ANP32E: variants seen among roughly 807,000 people sequenced by gnomAD.
ANP32E encodes the protein acidic leucine-rich nuclear phosphoprotein 32 family member E.
In ANP32E, 14 loss-of-function variants were observed where a neutral mutation model predicts 35.3. The ratio of observed to expected loss-of-function variants is 0.40; its 90% confidence interval spans 0.26 to 0.62. The LOEUF (loss-of-function observed/expected upper bound fraction) is 0.62, where lower values mean the gene tolerates loss of function less well. Among genes scored for constraint, ANP32E ranks in the 20% least tolerant of loss-of-function variants. ANP32E has a pLI of 0.45. For missense variants in ANP32E, 198 were observed against 304.4 expected (o/e 0.65, Z 2.60); for synonymous variants, 89 against 110.4 (o/e 0.81, Z 1.22).
rs1553836471 is a variant in ANP32E at position 150,218,468 on chromosome 1, C to CTT, written c.*2221_*2222dup. The CTT allele has an allele frequency of 6.6e-6, 1 of 152,456 alleles. No homozygotes were observed. The highest frequency in any genetic ancestry group is 1.9e-4 in the East Asian group (1 of 5,202). The allele number at this position is 152,456 out of a possible 1,614,324, so 9.4% of individuals were successfully genotyped here. On this transcript the variant is annotated 3_prime_UTR_variant, in exon 7 of 7. Coordinates refer to ENST00000583931, the MANE Select transcript of ANP32E (RefSeq NM_030920.5). Reference sequence around the variant, plus strand: ...ATTTGAAGCAATTCAGTTTCAAAAACTTTAAGTTACAGCAGTCACAGAAAA... The same window carrying CTT: ...ATTTGAAGCAATTCAGTTTCAAAAACTTTTTAAGTTACAGCAGTCACAGAAAA...
At position 150,231,905 on chromosome 1, in the gene ANP32E, T is replaced by C. The variant is rs1553841835; in HGVS notation, c.76A>G (p.Asn26Asp). The change falls in exon 2 of 7, where the codon AAT (asparagine) becomes GAT (aspartate). Residue 26 changes from asparagine (N) to aspartate (D), a missense_variant. Coordinates refer to ENST00000583931, the MANE Select transcript of ANP32E (RefSeq NM_030920.5). ...PEEVTELVLD[N>D]CLCVNGEIEG... ...ATTTCCCCATTGACACACAGGCAAT[T>C]ATCAAGGACTAACTCTGTCACCTGT... is the stretch of plus-strand genomic sequence containing the variant. 4 of 1,611,292 alleles carry C rather than the reference T, an allele frequency of 2.5e-6. No individual in the cohort carries two copies.
At chr1:150,220,869 TCA>T in intron 6 of ANP32E, 108 bp from the exon 7 acceptor site, 1 of 881,940 alleles carries the variant, frequency 1.1e-6, no homozygotes, top group Non-Finnish European at 1.8e-6. Context: ...GCACGGTGGC[TCA>T]CACCTGTAAT....
At chr1:150,224,141 G>A (rs1648681495) in intron 5 of ANP32E, among the ~76,000 whole-genome samples, 1 of 152,050 alleles carries the variant, frequency 6.6e-6, no homozygotes, top group African/African-American at 2.4e-5. Context: ...GGAGCGAAAG[G>A]AATAGATGAG....
At chr1:150,234,398 C>A (rs1649605529) in intron 1 of ANP32E, among the ~76,000 whole-genome samples, 1 of 150,946 alleles carries the variant, frequency 6.6e-6, no homozygotes, top group South Asian at 2.1e-4. Flanking sequence ...CTCTCCCTGG[C>A]CCCTGCCAAT....
At chr1:150,226,547 A>G (rs2101773498) in intron 5 of ANP32E, 61 bp downstream of exon 5, 2 of 1,584,506 alleles carry the variant, frequency 1.3e-6, no homozygotes, top group African/African-American at 2.7e-5. Context: ...CACACTTTAT[A>G]TAGTACTTAC....
In ANP32E at chr1:150,229,073, C is replaced by T. The variant is rs151007873; in HGVS notation, c.492G>A (p.Glu164=). ...CTTATGAGTATTAAGAACGATTACC[C>T]TCATCATCCTCCTCTTCAGAGTCCG... ...EAPDSEEEDD[E]DGDEDDEEEE... The change falls in exon 4 of 7, where the codon GAG becomes GAA. Residue 164 remains glutamate (E), a splice_region_variant and synonymous_variant. Coordinates refer to ENST00000583931, the MANE Select transcript of ANP32E (RefSeq NM_030920.5). 264 of 1,612,484 alleles carry T rather than the reference C, an allele frequency of 1.6e-4. No homozygotes were observed. The highest frequency in any genetic ancestry group is 2.2e-4 in the Non-Finnish European group (254 of 1,179,590).
Position 150,223,209 on chromosome 1 carries a change from T to C in ANP32E, c.713A>G (p.Glu238Gly), listed in dbSNP as rs1553838649. The change falls in exon 6 of 7, where the codon GAA (glutamate) becomes GGA (glycine). Residue 238 changes from glutamate to glycine, a missense_variant. Glu to Gly is a moderately conservative substitution (Grantham distance 98, BLOSUM62 -2). Around this residue, in one of 4 missense-constraint regions of ANP32E, gnomAD observed 121 missense variants for 137.3 expected, o/e 0.88. Transcript: ENST00000583931. ...ACCCTCTTCTTCCTCTTCTTCCCCTTCTTCAACATAGTCATCATCATCTTC... is the reference window on the plus strand; with the variant it reads ...ACCCTCTTCTTCCTCTTCTTCCCCTCCTTCAACATAGTCATCATCATCTTC... ...DEEDDDDYVE[E>G]GEEEEEEEEG... The C allele has an allele frequency of 6.6e-7, 1 of 1,526,622 alleles. No homozygotes were observed. The highest frequency in any genetic ancestry group is 2.5e-5 in the East Asian group (1 of 40,748). The allele number at this position is 1,526,622 out of a possible 1,614,324, so 94.6% of individuals were successfully genotyped here.
intron 6 of ANP32E, among the ~76,000 whole-genome samples, chr1:150,222,128 A>AAAAT (rs1205401463): frequency 7.3e-5 from 11 of 150,154 alleles, no homozygotes; most frequent in Middle Eastern, 3.4e-3. Flanking sequence ...AAAATAAAAT[A>AAAAT]AAATAAAATA....
At chr1:150,231,988 T>C in intron 1 of ANP32E, 62 bp from the exon 2 acceptor site, 3 of 1,507,198 alleles carry the variant, frequency 2.0e-6, no homozygotes, top group Non-Finnish European at 2.7e-6. Context: ...GGTAGAGACC[T>C]GGGTCTTGAC....
intron 3 of ANP32E, 61 bp from the exon 4 acceptor site, chr1:150,229,298 CTTTTTTT>C (rs368884324): frequency 7.0e-6 from 3 of 429,546 alleles, no homozygotes; most frequent in Admixed American, 5.8e-5. Context: ...TTTCTTTTTT[CTTTTTTT>C]TTTTTTTTTT....
chr1:150,228,973 T>G, intron 4 of ANP32E, 99 bp downstream of exon 4: 1 of 884,010 alleles, frequency 1.1e-6, no homozygotes, highest in Non-Finnish European at 1.6e-6. Context: ...TTGTTGTGGA[T>G]TTTTTTTTTC....
intron 5 of ANP32E, among the ~76,000 whole-genome samples, chr1:150,224,313 C>G (rs2101766813): frequency 6.6e-6 from 1 of 152,248 alleles, no homozygotes; most frequent in South Asian, 2.1e-4. Context: ...AGCGGCTCAC[C>G]TGTAATCCCA....
intron 5 of ANP32E, 35 bp from the exon 6 acceptor site, chr1:150,223,275 A>T (rs1553838668): frequency 1.3e-6 from 2 of 1,519,100 alleles, no homozygotes; most frequent in South Asian, 2.4e-5. Context: ...AAGATTGAAA[A>T]ATCCATATGA....
At position 150,235,067 on chromosome 1, in the gene ANP32E, C is replaced by T. The variant is rs1649666129; in HGVS notation, c.54+666G>A. Among the ~76,000 whole-genome samples the T allele has an allele frequency of 6.6e-6, 1 of 152,236 alleles. No individual in the cohort carries two copies. Among genetic ancestry groups the T allele is most frequent in the South Asian group, 2.1e-4 (1 of 4,836 alleles). On this transcript the variant is annotated intron_variant, in intron 1 of 6. Transcript: ENST00000583931. This position sits in a 1 kb window ranked among gnomAD's most constrained non-coding sequence, Gnocchi z 4.2. Reference sequence around the variant, plus strand: ...GCGGATTACGCCTCCCGTCCCCTCTCCACCTCCGGTCACTGCGACGAGTCC... The same window carrying T: ...GCGGATTACGCCTCCCGTCCCCTCTTCACCTCCGGTCACTGCGACGAGTCC...
intron 6 of ANP32E, among the ~76,000 whole-genome samples, chr1:150,222,575 G>A (rs1261318759): frequency 6.0e-5 from 9 of 151,200 alleles, no homozygotes; most frequent in South Asian, 2.1e-4. Flanking sequence ...GCAATATGGC[G>A]AAACCCCATC....
chr1:150,229,090 C>G lies in ANP32E; in HGVS notation c.475G>C (p.Glu159Gln). The change falls in exon 4 of 7, where the codon GAA becomes CAA. Residue 159 changes from glutamate to glutamine, a missense_variant. By Grantham distance (29) the Glu-to-Gln change is conservative. Around this residue, in one of 4 missense-constraint regions of ANP32E, gnomAD observed 121 missense variants for 137.3 expected, o/e 0.88. Coordinates refer to ENST00000583931, the MANE Select transcript of ANP32E (RefSeq NM_030920.5). Reference sequence around the variant, plus strand: ...CGATTACCCTCATCATCCTCCTCTTCAGAGTCCGGCGCTTCATTATCCTCC... The same window carrying G: ...CGATTACCCTCATCATCCTCCTCTTGAGAGTCCGGCGCTTCATTATCCTCC... ...DQEDNEAPDS[E>Q]EEDDEDGDED... 6.2e-7 allele frequency: 1 copy of G among 1,613,306 alleles called. No individual in the cohort carries two copies. Among genetic ancestry groups the G allele is most frequent in the Non-Finnish European group, 8.5e-7 (1 of 1,179,822 alleles).
rs587763976 is a variant in ANP32E, at chr1:150,228,543, T to A, written c.493+529A>T. 4.0e-5 allele frequency among the ~76,000 whole-genome samples: 6 copies of A among 151,886 alleles called. No individual in the cohort carries two copies. The East Asian group carries it at 1.2e-3, about 29-fold the overall frequency. Reference sequence around the variant, plus strand: ...CGTCTCTACTAAAAATACAAAAAAATTAGCTGGGAGTGGTGGCGGGCACCT... The same window carrying A: ...CGTCTCTACTAAAAATACAAAAAAAATAGCTGGGAGTGGTGGCGGGCACCT... On this transcript the variant is annotated intron_variant, in intron 4 of 6. Transcript: ENST00000583931.
chr1:150,220,371 A>C lies in ANP32E; in HGVS notation c.*320T>G, dbSNP rs1254326790. On this transcript the variant is annotated 3_prime_UTR_variant, in exon 7 of 7. Coordinates refer to ENST00000583931, the MANE Select transcript of ANP32E (RefSeq NM_030920.5). ...TAAGGAATGAAATGCACCATACTAC[A>C]CCTGTGTAAAAGTGATCATGTTTTA... is the stretch of plus-strand genomic sequence containing the variant. The C allele has an allele frequency of 4.3e-6, 1 of 233,116 alleles. No individual in the cohort carries two copies. Among genetic ancestry groups the C allele is most frequent in the African/African-American group, 2.3e-5 (1 of 43,450 alleles). 14.4% of individuals were successfully genotyped at this position (233,116 alleles called of 1,614,324 possible). A position where few individuals can be genotyped will look rare whatever the true frequency, so the allele number is the denominator to read the frequency against.
intron 1 of ANP32E, among the ~76,000 whole-genome samples, chr1:150,232,718 C>T (rs1420372118): frequency 6.6e-6 from 1 of 151,966 alleles, no homozygotes; most frequent in Non-Finnish European, 1.5e-5. Flanking sequence ...GGTGATTCGC[C>T]CCCCTCAGCC....
Sources: gnomAD v4.1 joint callset for allele counts (sites outside exome capture counted in the v4.1 genomes callset) on GRCh38, gnomAD v4.1.1 for gene constraint, gnomAD v4.1.1 regional missense constraint, Gnocchi (gnomAD v3.1) non-coding constraint, MANE v1.5 for transcripts, NCBI Gene and HGNC (gene_info 2026-07-23, HGNC 2026-07-21) for gene names.